The following SPHKAP variants were observed in gnomAD, a reference collection of about 807,000 sequenced individuals.
The protein encoded by SPHKAP is SPHK1 interactor, AKAP domain containing.
SPHKAP carries 67 observed loss-of-function variants against 137.5 expected under a neutral mutation model. That is an observed-to-expected ratio of 0.49 (90% CI 0.40 to 0.60). The LOEUF is 0.60. SPHKAP is among the 20% of genes least tolerant of loss of function. The pLI is 0.00. For missense variants in SPHKAP, 2,097 were observed against 2,069.3 expected (o/e 1.01, Z -0.26); for synonymous variants, 813 against 785.3 (o/e 1.04, Z -0.59).
chr2:228,077,974 A>G (rs1251789203), intron 3 of SPHKAP, among the ~76,000 whole-genome samples: 2 of 152,156 alleles, frequency 1.3e-5, no homozygotes, highest in Non-Finnish European at 2.9e-5. Context: ...GAGTCTCACA[A>G]GATCTGATGG....
At chr2:228,074,400 G>T (rs113825618) in intron 3 of SPHKAP, among the ~76,000 whole-genome samples, 2 of 152,274 alleles carry the variant, frequency 1.3e-5, no homozygotes, top group African/African-American at 4.8e-5. Context: ...GACTGGGGAG[G>T]CCTCACAATT....
At chr2:228,004,612 T>G (rs2106186564) in intron 7 of SPHKAP, among the ~76,000 whole-genome samples, 1 of 152,338 alleles carries the variant, frequency 6.6e-6, no homozygotes, top group South Asian at 2.1e-4. Context: ...TTGCATGTGT[T>G]TGCTCTTGCT....
At chr2:228,047,829 T>A (rs1696121297) in intron 3 of SPHKAP, among the ~76,000 whole-genome samples, 1 of 152,094 alleles carries the variant, frequency 6.6e-6, no homozygotes. Flanking sequence ...ACAACAGAGG[T>A]ACAAACTAAA....
chr2:227,993,760 T>C, intron 8 of SPHKAP, 140 bp from the exon 9 acceptor site: 1 of 713,746 alleles, frequency 1.4e-6, no homozygotes, highest in Non-Finnish European at 2.4e-6. Flanking sequence ...CCTCAATTCA[T>C]ATTTATTTCT....
At chr2:228,159,331 G>A (rs1700204124) in intron 1 of SPHKAP, among the ~76,000 whole-genome samples, 1 of 152,174 alleles carries the variant, frequency 6.6e-6, no homozygotes, top group Non-Finnish European at 1.5e-5. Flanking sequence ...GGTTGGGGGT[G>A]AGAATGAAAA....
rs770897653 is a variant in SPHKAP at position 228,017,327 on chromosome 2, A to C, written c.3527T>G (p.Val1176Gly). ...QACRKSDHLSVRPSCPSKQSS... is the reference protein window; with the variant it reads ...QACRKSDHLSGRPSCPSKQSS... ...CTGCTTAGAGGGACAGCTAGGCCTC[A>C]CACTGAGGTGGTCACTTTTCCGGCA... is the stretch of plus-strand genomic sequence containing the variant. Residue 1176 changes from valine (V) to glycine (G), a missense_variant, in exon 7 of 12, where the codon GTG becomes GGG. Physicochemically the swap from Val to Gly is moderately radical, Grantham distance 109. Coordinates refer to ENST00000392056, the MANE Select transcript of SPHKAP (RefSeq NM_001142644.2). 3.1e-6 allele frequency: 5 copies of C among 1,613,844 alleles called. No individual in the cohort carries two copies. Among genetic ancestry groups the C allele is most frequent in the Non-Finnish European group, 4.2e-6 (5 of 1,179,910 alleles).
intron 3 of SPHKAP, among the ~76,000 whole-genome samples, chr2:228,075,120 G>A (rs1697136029): frequency 6.6e-6 from 1 of 152,098 alleles, no homozygotes; most frequent in Non-Finnish European, 1.5e-5. Context: ...ATTAAAGCAG[G>A]AAGAACATAA....
Position 228,030,171 on chromosome 2 carries a change from C to T in SPHKAP, c.247-2628G>A, listed in dbSNP as rs1188536863. ...AATATCTTCATAGTAGGGGATGATC[C>T]AGGCTTCTTAAGGCCTGATGTGCAT... On this transcript the variant is annotated intron_variant, in intron 3 of 11. Coordinates refer to ENST00000392056, the MANE Select transcript of SPHKAP (RefSeq NM_001142644.2). Among the ~76,000 whole-genome samples the T allele has an allele frequency of 2.0e-5, 3 of 152,146 alleles. No individual in the cohort carries two copies. The East Asian group carries it at 5.8e-4, about 29-fold the overall frequency.
At chr2:228,095,853 C>A (rs573281196) in intron 3 of SPHKAP, among the ~76,000 whole-genome samples, 129 of 152,094 alleles carry the variant, frequency 8.5e-4, no homozygotes, top group African/African-American at 2.8e-3. Context: ...CATTTGTTGT[C>A]TTTTGTGATA....
intron 3 of SPHKAP, among the ~76,000 whole-genome samples, chr2:228,063,068 G>A (rs1320926274): frequency 1.3e-5 from 2 of 152,106 alleles, no homozygotes; most frequent in Non-Finnish European, 2.9e-5. Flanking sequence ...GGCATGTTAA[G>A]TTAGTGCTAA....
chr2:228,085,617 A>AT (rs374193425), intron 3 of SPHKAP, among the ~76,000 whole-genome samples: 267 of 152,334 alleles, frequency 1.8e-3, no homozygotes, highest in African/African-American at 6.0e-3. Flanking sequence ...TAAGGGCAAC[A>AT]TTTTACAAAC....
chr2:227,989,945 C>G (rs115153143), intron 11 of SPHKAP, among the ~76,000 whole-genome samples: 1 of 151,936 alleles, frequency 6.6e-6, no homozygotes, highest in African/African-American at 2.4e-5. Flanking sequence ...AAAGACAGAG[C>G]TTTTTCTGGC....
intron 3 of SPHKAP, among the ~76,000 whole-genome samples, chr2:228,099,748 G>C (rs1407567810): frequency 6.6e-6 from 1 of 151,662 alleles, no homozygotes; most frequent in African/African-American, 2.4e-5. Flanking sequence ...TCACCTCTTT[G>C]GTTAGATGTA....
Position 228,016,999 on chromosome 2 carries a change from G to A in SPHKAP, c.3855C>T (p.Leu1285=). 6.2e-7 allele frequency: 1 copy of A among 1,614,172 alleles called. No individual in the cohort carries two copies. Among genetic ancestry groups the A allele is most frequent in the Non-Finnish European group, 8.5e-7 (1 of 1,180,016 alleles). ...GATACAAGCAAGAGTCAGATTTGCA[G>A]AGACCGGATGAGGACGCGCTACTGA... is the stretch of plus-strand genomic sequence containing the variant. ...QPVSSASSSG[L]CKSDSCLYRR... is the part of the protein sequence containing the mutation. The change falls in exon 7 of 12, where the codon CTC becomes CTT. Residue 1285 remains leucine, a synonymous_variant. Coordinates refer to ENST00000392056, the MANE Select transcript of SPHKAP (RefSeq NM_001142644.2).
chr2:228,142,398 G>A (rs1372618887), intron 1 of SPHKAP, among the ~76,000 whole-genome samples: 1 of 152,020 alleles, frequency 6.6e-6, no homozygotes, highest in Non-Finnish European at 1.5e-5. Context: ...CGTGAACCTA[G>A]GAGGCAGAGC....
intron 3 of SPHKAP, among the ~76,000 whole-genome samples, chr2:228,036,471 G>T (rs1408802677): frequency 1.3e-5 from 2 of 152,226 alleles, no homozygotes; most frequent in Non-Finnish European, 2.9e-5. Flanking sequence ...GGAAGACAGT[G>T]TGTCCATTCC....
intron 3 of SPHKAP, among the ~76,000 whole-genome samples, chr2:228,091,257 G>C (rs544301569): frequency 1.3e-5 from 2 of 152,148 alleles, no homozygotes; most frequent in South Asian, 4.1e-4. Context: ...ACAAAAAATA[G>C]AGGTCAACTC....
At chr2:227,990,916 C>T in intron 11 of SPHKAP, 84 bp downstream of exon 11, 1 of 1,356,274 alleles carries the variant, frequency 7.4e-7, no homozygotes, top group Middle Eastern at 1.9e-4. Context: ...TTCAAATGGA[C>T]AGGGGTTTAC....
At chr2:228,158,728 T>C (rs1378025375) in intron 1 of SPHKAP, among the ~76,000 whole-genome samples, 1 of 152,222 alleles carries the variant, frequency 6.6e-6, no homozygotes, top group Non-Finnish European at 1.5e-5. Context: ...CCCAATGGCA[T>C]GTTGGATGTC....
Sources: gnomAD v4.1 joint callset for allele counts (sites outside exome capture counted in the v4.1 genomes callset) on GRCh38, gnomAD v4.1.1 for gene constraint, MANE v1.5 for transcripts, NCBI Gene and HGNC (gene_info 2026-07-23, HGNC 2026-07-21) for gene names.